TENM2: variants seen among roughly 807,000 people sequenced by gnomAD.
TENM2 encodes teneurin transmembrane protein 2, also known as teneurin-2.
Under a neutral mutation model 245.2 loss-of-function variants are expected in TENM2, and 52 were observed. The ratio of observed to expected loss-of-function variants is 0.21; its 90% CI spans 0.17 to 0.27. The LOEUF is 0.27. Among genes scored for constraint, TENM2 ranks in the 10% least tolerant of loss-of-function variants. The probability of loss-of-function intolerance (pLI) is 1.00; values close to 1 mark genes in which losing one functional copy is unlikely to be tolerated. For missense variants in TENM2, 3,046 were observed against 3,666.8 expected (o/e 0.83, Z 4.37); for synonymous variants, 1,363 against 1,438.9 (o/e 0.95, Z 1.19).
intron 12 of TENM2, among the ~76,000 whole-genome samples, chr5:168,159,450 G>A (rs748176437): frequency 2.4e-4 from 36 of 152,164 alleles, no homozygotes; most frequent in Admixed American, 7.9e-4. Context: ...TTCGGTTATA[G>A]CATCCTCTCC....
the TENM2 span, among the ~76,000 whole-genome samples, chr5:166,991,210 C>G: frequency 7.6e-6 from 1 of 131,288 alleles, no homozygotes; most frequent in Non-Finnish European, 1.7e-5. Context: ...TCTGACTTTT[C>G]TTCATGTTCT....
At chr5:167,501,160 C>T (rs528871694) in intron 2 of TENM2, among the ~76,000 whole-genome samples, 23 of 152,130 alleles carry the variant, frequency 1.5e-4, no homozygotes, top group Non-Finnish European at 3.2e-4. Context: ...GTTCAAGATT[C>T]TCCTTCTACC....
At chr5:167,407,196 G>T (rs899488207) in intron 2 of TENM2, among the ~76,000 whole-genome samples, 4 of 152,086 alleles carry the variant, frequency 2.6e-5, no homozygotes, top group African/African-American at 4.8e-5. Flanking sequence ...ACTGTGGTTT[G>T]TAGAGCTATA....
the TENM2 span, among the ~76,000 whole-genome samples, chr5:167,112,719 A>T: frequency 6.6e-6 from 1 of 152,234 alleles, no homozygotes; most frequent in African/African-American, 2.4e-5. Context: ...TAATATTGCC[A>T]GTTGAATCTC....
the TENM2 span, among the ~76,000 whole-genome samples, chr5:167,010,379 G>A: frequency 1.3e-5 from 2 of 151,902 alleles, no homozygotes; most frequent in African/African-American, 4.8e-5. Flanking sequence ...GCAAAACTCT[G>A]TCTCAAAGAA....
chr5:167,884,840 G>A (rs1262929118), intron 3 of TENM2, among the ~76,000 whole-genome samples: 1 of 151,958 alleles, frequency 6.6e-6, no homozygotes, highest in African/African-American at 2.4e-5. Flanking sequence ...ATGCTGTTTT[G>A]TACAGTGTCT....
chr5:168,197,699 CAAA>C (rs71593165), intron 15 of TENM2, among the ~76,000 whole-genome samples: 9 of 83,690 alleles, frequency 1.1e-4, no homozygotes, highest in African/African-American at 1.9e-4. Context: ...GACTCCATCC[CAAA>C]AAAAAAAAAA....
At position 167,338,379 on chromosome 5, in the gene TENM2, G is replaced by A. The variant is rs1757902921; in HGVS notation, c.227-36819G>A. ...CTCACTTACATTCGTGTCCATTACGGGTTAACTAGGAACTTCACTCCCCAC... is the reference window on the plus strand; with the variant it reads ...CTCACTTACATTCGTGTCCATTACGAGTTAACTAGGAACTTCACTCCCCAC... On this transcript the variant is annotated intron_variant, in intron 1 of 28. Transcript: ENST00000518659. 2.6e-5 allele frequency among the ~76,000 whole-genome samples: 4 copies of A among 152,074 alleles called. No homozygotes were observed. The South Asian group carries it at 8.3e-4, about 32-fold the overall frequency.
chr5:167,284,226 C>CA (rs1304788414), upstream of TENM2, among the ~76,000 whole-genome samples: 7 of 151,920 alleles, frequency 4.6e-5, no homozygotes, highest in Non-Finnish European at 1.0e-4. Context: ...ATTCTCCAGA[C>CA]AAAGCTAGGA....
At chr5:167,139,900 A>G in the TENM2 span, among the ~76,000 whole-genome samples, 1 of 152,196 alleles carries the variant, frequency 6.6e-6, no homozygotes, top group Non-Finnish European at 1.5e-5. Context: ...CTGTGTTACT[A>G]TTATTGGTTG....
intron 19 of TENM2, among the ~76,000 whole-genome samples, 169 bp from the exon 22 acceptor site, chr5:168,211,565 G>A (rs1172195152): frequency 6.6e-6 from 1 of 152,216 alleles, no homozygotes; most frequent in Admixed American, 6.5e-5. Flanking sequence ...AAAATCAGGG[G>A]CACTTCTCAA....
intron 2 of TENM2, among the ~76,000 whole-genome samples, chr5:167,493,436 A>C (rs1768578041): frequency 6.6e-6 from 1 of 152,154 alleles, no homozygotes; most frequent in Non-Finnish European, 1.5e-5. Flanking sequence ...AAATGACTAA[A>C]TTTCTCTGAA....
intron 2 of TENM2, among the ~76,000 whole-genome samples, chr5:167,701,265 T>A (rs1364664863): frequency 6.6e-6 from 1 of 152,184 alleles, no homozygotes; most frequent in Non-Finnish European, 1.5e-5. Flanking sequence ...AAGTTGCAAA[T>A]TCACAGTTAA....
intron 2 of TENM2, among the ~76,000 whole-genome samples, chr5:167,849,944 TG>T (rs1469551265): frequency 3.3e-5 from 5 of 152,186 alleles, no homozygotes; most frequent in Non-Finnish European, 5.9e-5. Flanking sequence ...CTATTCGTTT[TG>T]TTTTTTATGG....
chr5:167,473,488 T>C (rs1406503900), intron 2 of TENM2, among the ~76,000 whole-genome samples: 1 of 152,234 alleles, frequency 6.6e-6, no homozygotes, highest in African/African-American at 2.4e-5. Context: ...TTCTGAATTT[T>C]TAAAAATATA....
At chr5:168,128,018 A>T (rs556835311) in intron 12 of TENM2, among the ~76,000 whole-genome samples, 14 of 152,324 alleles carry the variant, frequency 9.2e-5, no homozygotes, top group African/African-American at 3.4e-4. Flanking sequence ...CTGATTCATG[A>T]GATCAGACTC....
intron 2 of TENM2, among the ~76,000 whole-genome samples, chr5:167,805,204 T>C: frequency 6.6e-6 from 1 of 152,134 alleles, no homozygotes; most frequent in African/African-American, 2.4e-5. Flanking sequence ...CTCGTGTCAC[T>C]GAACAGATAA....
rs1782073332 is a variant in TENM2 at position 167,974,068 on chromosome 5, AG to A, written c.948-18873del. Among the ~76,000 whole-genome samples the A allele has an allele frequency of 1.8e-4, 2 of 11,174 alleles. 1 individual carries two copies. Among genetic ancestry groups the A allele is most frequent in the Admixed American group, 2.5e-3 (2 of 794 alleles). 7.3% of individuals were successfully genotyped at this position (11,174 alleles called of 152,430 possible). ...AAGGAAGGGAGGAAAGGAGGGAGGG[AG>A]GGAGGAAGGAAGGAAGGAAGGGAAG... On this transcript the variant is annotated intron_variant, in intron 4 of 28. Coordinates refer to ENST00000518659, the Ensembl canonical transcript of TENM2.
intron 13 of TENM2, among the ~76,000 whole-genome samples, chr5:168,174,233 A>G (rs1759127282): frequency 6.6e-6 from 1 of 152,122 alleles, no homozygotes; most frequent in Admixed American, 6.5e-5. Context: ...TCCATTGCAC[A>G]TGGGCATTCT....
Sources: gnomAD v4.1 joint callset for allele counts (sites outside exome capture counted in the v4.1 genomes callset) on GRCh38, gnomAD v4.1.1 for gene constraint, MANE v1.5 for transcripts, NCBI Gene and HGNC (gene_info 2026-07-23, HGNC 2026-07-21) for gene names.